ABCC4: variants seen among roughly 807,000 people sequenced by gnomAD.
The protein encoded by ABCC4 is ATP binding cassette subfamily C member 4 (PEL blood group).
Under a neutral mutation model 168.5 loss-of-function variants are expected in ABCC4, and 102 were observed. That is an observed-to-expected ratio of 0.61 (90% CI 0.52 to 0.71). The LOEUF (loss-of-function observed/expected upper bound fraction) is 0.71, where lower values mean the gene tolerates loss of function less well. ABCC4 is among the 30% of genes least tolerant of loss of function. The pLI is 0.00. For missense variants in ABCC4, 1,402 were observed against 1,605.8 expected, an observed-to-expected ratio of 0.87 and a Z score of 2.17; for synonymous variants, 617 against 590.7, an observed-to-expected ratio of 1.04 and a Z score of -0.65.
At chr13:95,180,327 G>A (rs1476666823) in intron 11 of ABCC4, among the ~76,000 whole-genome samples, 3 of 152,140 alleles carry the variant, frequency 2.0e-5, no homozygotes, top group Non-Finnish European at 2.9e-5. Flanking sequence ...GCCGACACGG[G>A]TGGATCACCT....
At chr13:95,042,385 G>C (rs776546157) in intron 29 of ABCC4, among the ~76,000 whole-genome samples, 1 of 152,166 alleles carries the variant, frequency 6.6e-6, no homozygotes, top group Admixed American at 6.5e-5. Context: ...ATTGTGCATG[G>C]TGTAGAGAGG....
intron 20 of ABCC4, among the ~76,000 whole-genome samples, chr13:95,094,773 T>C (rs2034538715): frequency 6.6e-6 from 1 of 152,028 alleles, no homozygotes; most frequent in Non-Finnish European, 1.5e-5. Flanking sequence ...TCTATACACA[T>C]TTGACAAAGG....
rs554351053 is a variant in ABCC4, at chr13:95,254,206, G to T, written c.75-6453C>A. Among the ~76,000 whole-genome samples the T allele has an allele frequency of 5.8e-4, 89 of 152,254 alleles. 1 individual carries two copies. The highest frequency in any genetic ancestry group is 2.1e-3 in the African/African-American group (88 of 41,548). Reference sequence around the variant, plus strand: ...AGCCACTGCGCCTGGCCTAAAGGGGGTTTTATAAACAGAACTGGTAACACT... The same window carrying T: ...AGCCACTGCGCCTGGCCTAAAGGGGTTTTTATAAACAGAACTGGTAACACT... On this transcript the variant is annotated intron_variant, in intron 1 of 30. Coordinates refer to ENST00000645237, the MANE Select transcript of ABCC4 (RefSeq NM_005845.5).
intron 19 of ABCC4, among the ~76,000 whole-genome samples, chr13:95,128,755 T>A (rs1193823055): frequency 6.6e-6 from 1 of 152,200 alleles, no homozygotes; most frequent in Non-Finnish European, 1.5e-5. Flanking sequence ...CTGTTCAACA[T>A]TTTTGGTTCC....
chr13:95,067,116 T>C (rs2033575291), intron 25 of ABCC4, among the ~76,000 whole-genome samples: 1 of 152,116 alleles, frequency 6.6e-6, no homozygotes, highest in Non-Finnish European at 1.5e-5. Context: ...GTGAGACCCA[T>C]TTTGATCCCA....
chr13:95,112,902 C>T (rs972648385), intron 20 of ABCC4, among the ~76,000 whole-genome samples: 3 of 152,188 alleles, frequency 2.0e-5, no homozygotes, highest in Non-Finnish European at 2.9e-5. Flanking sequence ...CCCCAGTGTC[C>T]GAAGCATGTT....
chr13:95,196,962 C>T (rs978227207), intron 8 of ABCC4, among the ~76,000 whole-genome samples: 1 of 152,168 alleles, frequency 6.6e-6, no homozygotes, highest in South Asian at 2.1e-4. Context: ...GCAGCACTGA[C>T]AGTCACACTC....
chr13:95,226,971 T>A (rs570652107), intron 4 of ABCC4, among the ~76,000 whole-genome samples: 5 of 152,336 alleles, frequency 3.3e-5, no homozygotes, highest in African/African-American at 1.2e-4. Context: ...TAGGAGCTTT[T>A]AAAATTTCCC....
chr13:95,246,371 G>T (rs2040105758), intron 3 of ABCC4, among the ~76,000 whole-genome samples: 1 of 152,180 alleles, frequency 6.6e-6, no homozygotes, highest in South Asian at 2.1e-4. Context: ...CACTGGGAGG[G>T]GGTAGCTCTT....
chr13:95,293,385 C>G (rs1303090203), intron 1 of ABCC4, among the ~76,000 whole-genome samples: 1 of 151,830 alleles, frequency 6.6e-6, no homozygotes, highest in East Asian at 1.9e-4. Flanking sequence ...AATCCCCACC[C>G]TCACACAGCT....
intron 20 of ABCC4, among the ~76,000 whole-genome samples, chr13:95,106,145 A>G (rs1006466538): frequency 6.6e-6 from 1 of 152,080 alleles, no homozygotes; most frequent in African/African-American, 2.4e-5. Context: ...TTCAACTATG[A>G]ATTCCATACA....
At chr13:95,106,038 T>A (rs2034991387) in intron 20 of ABCC4, among the ~76,000 whole-genome samples, 1 of 152,140 alleles carries the variant, frequency 6.6e-6, no homozygotes, top group African/African-American at 2.4e-5. Context: ...GAGAGATGCA[T>A]GTGCACACAT....
At chr13:95,040,527 C>T (rs2032311243) in intron 29 of ABCC4, among the ~76,000 whole-genome samples, 1 of 152,174 alleles carries the variant, frequency 6.6e-6, no homozygotes, top group Non-Finnish European at 1.5e-5. Flanking sequence ...TGAGCCACCG[C>T]GCCCAGCCCC....
chr13:95,249,022 C>A (rs2040188128), intron 1 of ABCC4, among the ~76,000 whole-genome samples: 1 of 152,044 alleles, frequency 6.6e-6, no homozygotes, highest in South Asian at 2.1e-4. Context: ...GTCTGGGCAA[C>A]AGAGTGAGAC....
chr13:95,293,883 C>T (rs895944519), intron 1 of ABCC4, among the ~76,000 whole-genome samples: 1 of 151,250 alleles, frequency 6.6e-6, no homozygotes, highest in East Asian at 2.0e-4. Context: ...TGGGTTAAAG[C>T]GATTCTCCTG....
At chr13:95,137,868 G>A (rs917680361) in intron 19 of ABCC4, among the ~76,000 whole-genome samples, 2 of 152,178 alleles carry the variant, frequency 1.3e-5, no homozygotes, top group East Asian at 1.9e-4. Flanking sequence ...TTGCTGGAAT[G>A]CACCCAGGGA....
chr13:95,228,838 T>C (rs951447637), intron 4 of ABCC4, among the ~76,000 whole-genome samples: 2 of 149,356 alleles, frequency 1.3e-5, no homozygotes, highest in Non-Finnish European at 3.0e-5. Context: ...GGCAGGAGGA[T>C]CCCTTGAGCC....
At position 95,115,829 on chromosome 13, in the gene ABCC4, CGA is replaced by C. The variant is rs367551848; in HGVS notation, c.2535+91_2535+92del. 534 of 989,460 alleles carry C rather than the reference CGA, an allele frequency of 5.4e-4. 3 individuals carry two copies. In the African/African-American group the frequency reaches 6.0e-3, roughly 11 times the overall value. The allele number at this position is 989,460 out of a possible 1,614,324, so 61.3% of individuals were successfully genotyped here. A position where few individuals can be genotyped will look rare whatever the true frequency, so the allele number is the denominator to read the frequency against. Reference sequence around the variant, plus strand: ...AAGTTAACATTACACACAGCCAGGCCGAGAGTCCCACCCCCAGACCCCATGAA... The same window carrying C: ...AAGTTAACATTACACACAGCCAGGCCGAGTCCCACCCCCAGACCCCATGAA... On this transcript the variant is annotated intron_variant, in intron 20 of 30. Transcript: ENST00000645237.
At chr13:95,159,121 A>ATATATATATATATG (rs2036993238) in intron 19 of ABCC4, among the ~76,000 whole-genome samples, 2 of 133,448 alleles carry the variant, frequency 1.5e-5, no homozygotes, top group Non-Finnish European at 3.3e-5. Flanking sequence ...ATATATATAT[A>ATATATATATATATG]TATATATATA....
Sources: gnomAD v4.1 joint callset for allele counts (sites outside exome capture counted in the v4.1 genomes callset) on GRCh38, gnomAD v4.1.1 for gene constraint, MANE v1.5 for transcripts, NCBI Gene and HGNC (gene_info 2026-07-23, HGNC 2026-07-21) for gene names.